The following LRBA variants were observed in gnomAD, a reference collection of about 807,000 sequenced individuals.
The protein encoded by LRBA is LPS responsive beige-like anchor protein, also known as lipopolysaccharide-responsive and beige-like anchor protein.
In LRBA, 176 loss-of-function variants were observed where a neutral mutation model predicts 330.0. The ratio of observed to expected loss-of-function variants is 0.53; its 90% CI spans 0.47 to 0.60. The LOEUF is 0.60. LRBA is among the 20% of genes least tolerant of loss of function. The probability of loss-of-function intolerance (pLI) is 0.00; values close to 1 mark genes in which losing one functional copy is unlikely to be tolerated. For missense variants in LRBA, 3,259 were observed against 3,444.8 expected (o/e 0.95, Z 1.35); for synonymous variants, 1,230 against 1,193.0 (o/e 1.03, Z -0.64).
chr4:150,346,227 T>C (rs574396619), intron 48 of LRBA, among the ~76,000 whole-genome samples: 12 of 151,948 alleles, frequency 7.9e-5, no homozygotes, highest in African/African-American at 2.7e-4. Flanking sequence ...CTACCATACT[T>C]AGAATATCAC....
chr4:150,438,294 C>A (rs1751387749), intron 44 of LRBA, among the ~76,000 whole-genome samples: 1 of 152,132 alleles, frequency 6.6e-6, no homozygotes, highest in Non-Finnish European at 1.5e-5. Context: ...CCAGCCTGTG[C>A]AACATAGTGA....
At chr4:150,467,148 T>C (rs957337858) in intron 44 of LRBA, among the ~76,000 whole-genome samples, 4 of 152,062 alleles carry the variant, frequency 2.6e-5, no homozygotes, top group Non-Finnish European at 5.9e-5. Context: ...CATCAGTAAA[T>C]AACTGCAATG....
chr4:150,801,405 TG>T (rs1238844157), intron 33 of LRBA, among the ~76,000 whole-genome samples: 14 of 152,362 alleles, frequency 9.2e-5, no homozygotes, highest in African/African-American at 3.4e-4. Context: ...TCCAACATTT[TG>T]GAAAAATTGG....
At chr4:150,554,157 G>A (rs1313150327) in intron 40 of LRBA, among the ~76,000 whole-genome samples, 1 of 152,206 alleles carries the variant, frequency 6.6e-6, no homozygotes, top group African/African-American at 2.4e-5. Context: ...ATAAGCAAGA[G>A]CCTCCTCTCC....
At chr4:150,849,653 A>G in intron 24 of LRBA, 78 bp from the exon 25 acceptor site, 3 of 1,153,800 alleles carry the variant, frequency 2.6e-6, no homozygotes, top group Non-Finnish European at 3.8e-6. Context: ...GGGAGGAAAG[A>G]TAAGAAGGTG....
intron 35 of LRBA, among the ~76,000 whole-genome samples, chr4:150,758,152 G>C (rs936709237): frequency 1.3e-4 from 20 of 152,206 alleles, no homozygotes; most frequent in Admixed American, 7.2e-4. Flanking sequence ...AGTAAAGTGT[G>C]TTACAAGAGA....
chr4:150,369,616 A>G (rs953674719), intron 47 of LRBA, among the ~76,000 whole-genome samples: 14 of 152,164 alleles, frequency 9.2e-5, no homozygotes, highest in Non-Finnish European at 2.1e-4. Flanking sequence ...AAATAATTAT[A>G]ACAAAATGCT....
intron 2 of LRBA, among the ~76,000 whole-genome samples, chr4:151,000,205 TG>T (rs1460537277): frequency 6.6e-6 from 1 of 152,230 alleles, no homozygotes; most frequent in Non-Finnish European, 1.5e-5. Flanking sequence ...ATAAACTCAT[TG>T]TAAGTTGAAA....
intron 36 of LRBA, among the ~76,000 whole-genome samples, chr4:150,699,793 G>C (rs1406199482): frequency 6.6e-6 from 1 of 152,152 alleles, no homozygotes; most frequent in East Asian, 1.9e-4. Flanking sequence ...TATCTGATGA[G>C]GTAGTCAGAG....
intron 40 of LRBA, among the ~76,000 whole-genome samples, chr4:150,562,868 T>C (rs1411221278): frequency 6.6e-6 from 1 of 152,040 alleles, no homozygotes. Context: ...GGGATGATCA[T>C]AGCTCACTGC....
intron 44 of LRBA, among the ~76,000 whole-genome samples, chr4:150,444,203 T>C (rs1040991117): frequency 1.3e-5 from 2 of 152,016 alleles, no homozygotes; most frequent in African/African-American, 2.4e-5. Flanking sequence ...CACCAAAGTT[T>C]ATTGCCTTAT....
intron 4 of LRBA, among the ~76,000 whole-genome samples, chr4:150,923,764 T>C (rs1733588461): frequency 6.6e-6 from 1 of 152,200 alleles, no homozygotes; most frequent in Non-Finnish European, 1.5e-5. Context: ...GGGGCATTCC[T>C]CCTTGTTAAA....
intron 39 of LRBA, among the ~76,000 whole-genome samples, chr4:150,588,901 C>T (rs189598242): frequency 4.3e-4 from 65 of 152,182 alleles, no homozygotes; most frequent in Non-Finnish European, 5.4e-4. Context: ...CTCCACAGGG[C>T]TTATCAAAGA....
intron 36 of LRBA, among the ~76,000 whole-genome samples, chr4:150,708,274 A>G (rs1267435499): frequency 3.3e-5 from 5 of 151,886 alleles, no homozygotes; most frequent in African/African-American, 7.2e-5. Flanking sequence ...TTCAGCAAGC[A>G]TATGTTATGA....
chr4:150,767,517 T>TG (rs1735915576), intron 34 of LRBA, among the ~76,000 whole-genome samples: 3 of 152,188 alleles, frequency 2.0e-5, no homozygotes, highest in African/African-American at 7.2e-5. Context: ...CCCAGAACTT[T>TG]GGGGGGCCAA....
chr4:150,764,678 T>C (rs115889110), intron 34 of LRBA, among the ~76,000 whole-genome samples: 37 of 152,128 alleles, frequency 2.4e-4, no homozygotes, highest in Admixed American at 5.2e-4. Flanking sequence ...ATATGAAAGA[T>C]TGTCCACATG....
At chr4:150,815,897 T>C (rs568196005) in intron 31 of LRBA, among the ~76,000 whole-genome samples, 10 of 151,960 alleles carry the variant, frequency 6.6e-5, no homozygotes, top group Admixed American at 2.6e-4. Context: ...ACATTTTCTC[T>C]ATTCACTAAA....
chr4:150,656,227 A>T (rs1780172854), intron 37 of LRBA, among the ~76,000 whole-genome samples: 1 of 152,210 alleles, frequency 6.6e-6, no homozygotes, highest in Non-Finnish European at 1.5e-5. Flanking sequence ...TAGGCTTCTC[A>T]GCCCCCAAGT....
At chr4:150,553,483 C>T (rs1766889033) in intron 40 of LRBA, among the ~76,000 whole-genome samples, 1 of 151,708 alleles carries the variant, frequency 6.6e-6, no homozygotes, top group East Asian at 1.9e-4. Flanking sequence ...AAAAAAATAA[C>T]ACTCCCTCAC....
Sources: allele counts gnomAD v4.1 joint callset (sites outside exome capture counted in the v4.1 genomes callset), GRCh38; gene constraint gnomAD v4.1.1; transcripts MANE v1.5; gene names NCBI Gene and HGNC (gene_info 2026-07-23, HGNC 2026-07-21).